IFT140: variants seen among roughly 807,000 people sequenced by gnomAD.
IFT140 encodes the protein intraflagellar transport 140.
In IFT140, 133 loss-of-function variants were observed where a neutral mutation model predicts 164.6. The ratio of observed to expected loss-of-function variants is 0.81; its 90% confidence interval spans 0.70 to 0.93. IFT140 has a LOEUF of 0.93. Among genes scored for constraint, IFT140 ranks in the 40% least tolerant of loss-of-function variants. The pLI is 0.00. For synonymous variants in IFT140, 860 were observed against 817.3 expected (o/e 1.05, Z -0.89); for missense variants, 2,045 against 1,972.3 (o/e 1.04, Z -0.70).
At chr16:1,547,117 A>G (rs1466882132) in intron 19 of IFT140, among the ~76,000 whole-genome samples, 1 of 152,154 alleles carries the variant, frequency 6.6e-6, no homozygotes, top group East Asian at 1.9e-4. Flanking sequence ...CTTCCTTGAA[A>G]CAGTCCCTCT....
chr16:1,543,728 G>A (rs1407132165), intron 19 of IFT140, among the ~76,000 whole-genome samples: 1 of 152,194 alleles, frequency 6.6e-6, no homozygotes, highest in Non-Finnish European at 1.5e-5. Context: ...GAAAACATGA[G>A]ACTCTCAACG....
At chr16:1,559,516 A>G (rs1366244624) in intron 18 of IFT140, among the ~76,000 whole-genome samples, 1 of 152,220 alleles carries the variant, frequency 6.6e-6, no homozygotes, top group African/African-American at 2.4e-5. Context: ...GGCAGCGTTA[A>G]CAGACAAAAG....
chr16:1,535,409 C>T (rs765938208), intron 19 of IFT140, among the ~76,000 whole-genome samples: 4 of 152,166 alleles, frequency 2.6e-5, no homozygotes, highest in Non-Finnish European at 4.4e-5. Flanking sequence ...TCCCAAAGGC[C>T]GACTCTCTGA....
rs570610799 is a variant in IFT140 at position 1,551,616 on chromosome 16, G to A, written c.2399+6319C>T. On this transcript the variant is annotated intron_variant, in intron 19 of 30. Transcript: ENST00000426508. The surrounding 1 kb of genome is among the most constrained non-coding windows in gnomAD (Gnocchi z 4.0). ...CCCAGCAAGGTCACCCGGCACTGCT[G>A]CAGACACCTTGAAACGTCCAGCACA... Among the ~76,000 whole-genome samples, 3 of 152,210 alleles carry A rather than the reference G, an allele frequency of 2.0e-5. No homozygotes were observed. The South Asian group carries it at 6.2e-4, about 31-fold the overall frequency.
chr16:1,552,723 A>G (rs948778462), intron 19 of IFT140, among the ~76,000 whole-genome samples: 3 of 142,576 alleles, frequency 2.1e-5, no homozygotes, highest in African/African-American at 8.0e-5. Context: ...ATCTCGGCTC[A>G]CTGCAACCTC....
At chr16:1,587,430 T>A in intron 8 of IFT140, 126 bp from the exon 9 acceptor site, 1 of 656,188 alleles carries the variant, frequency 1.5e-6, no homozygotes, top group Non-Finnish European at 2.7e-6. Context: ...AGACTCCTGA[T>A]ATGAAAACGA....
intron 7 of IFT140, among the ~76,000 whole-genome samples, chr16:1,589,342 T>A (rs2035056605): frequency 6.6e-6 from 1 of 152,176 alleles, no homozygotes; most frequent in Non-Finnish European, 1.5e-5. Flanking sequence ...GGGGTGCAGC[T>A]TGGGGGTGGG....
intron 10 of IFT140, among the ~76,000 whole-genome samples, chr16:1,585,603 C>T (rs914429289): frequency 1.1e-4 from 16 of 151,976 alleles, no homozygotes; most frequent in Non-Finnish European, 2.1e-4. Flanking sequence ...GGGATGGGTT[C>T]GTGGGTAGAT....
intron 15 of IFT140, among the ~76,000 whole-genome samples, chr16:1,566,971 C>T (rs1002589926): frequency 6.6e-6 from 1 of 152,196 alleles, no homozygotes; most frequent in African/African-American, 2.4e-5. Context: ...TTGAGCTCCG[C>T]CTGCAGCCCT....
intron 3 of IFT140, among the ~76,000 whole-genome samples, chr16:1,605,596 G>C (rs1468720009): frequency 6.6e-6 from 1 of 152,034 alleles, no homozygotes; most frequent in Non-Finnish European, 1.5e-5. Flanking sequence ...AGTGGAGACG[G>C]GGTTTCACCG....
At chr16:1,610,130 TGGACTCTCGG>T (rs2036262898) in intron 2 of IFT140, 1 of 154,468 alleles carries the variant, frequency 6.5e-6, no homozygotes, top group African/African-American at 2.4e-5. Context: ...GGCTCCACGG[TGGACTCTCGG>T]GGACAGGCAC....
intron 24 of IFT140, 165 bp downstream of exon 24, chr16:1,524,387 G>C: frequency 1.2e-6 from 1 of 849,902 alleles, no homozygotes. Context: ...GCGGCCAGGG[G>C]TGGGCAGAGG....
intron 19 of IFT140, among the ~76,000 whole-genome samples, chr16:1,537,183 A>T (rs2031158972): frequency 6.6e-6 from 1 of 152,144 alleles, no homozygotes; most frequent in African/African-American, 2.4e-5. Flanking sequence ...GGGGTGGGGC[A>T]AGCCAGGGAA....
chr16:1,513,766 C>T (rs529823561), intron 30 of IFT140, among the ~76,000 whole-genome samples: 16 of 150,804 alleles, frequency 1.1e-4, no homozygotes, highest in African/African-American at 3.2e-4. Context: ...CTCCGCCTCC[C>T]GGGTTCACAC....
intron 12 of IFT140, 71 bp downstream of exon 12, chr16:1,583,243 C>A (rs1019827161): frequency 5.4e-6 from 7 of 1,297,126 alleles, no homozygotes; most frequent in African/African-American, 1.5e-5. Flanking sequence ...ACCACAGTGG[C>A]CCTCTCATTA....
At chr16:1,599,631 C>A (rs1385012769) in intron 4 of IFT140, among the ~76,000 whole-genome samples, 130 of 62,376 alleles carry the variant, frequency 2.1e-3, no homozygotes, top group East Asian at 4.5e-3. Context: ...CGGCCAGCCG[C>A]CCCGTCCGGG....
intron 19 of IFT140, among the ~76,000 whole-genome samples, chr16:1,536,931 T>G (rs1233140378): frequency 6.6e-6 from 1 of 152,214 alleles, no homozygotes. Flanking sequence ...AGCTAGCCTA[T>G]GAACCTTTCT....
chr16:1,587,640 T>A (rs1443046548), intron 8 of IFT140, among the ~76,000 whole-genome samples: 1 of 152,134 alleles, frequency 6.6e-6, no homozygotes, highest in Non-Finnish European at 1.5e-5. Context: ...TGATTCTAGT[T>A]ATGCCACACT....
At chr16:1,554,179 C>T (rs973544773) in intron 19 of IFT140, 40 of 1,252,148 alleles carry the variant, frequency 3.2e-5, no homozygotes, top group Middle Eastern at 6.8e-4. Context: ...GCCCCATCTC[C>T]GCCCTGCCTG....
Sources: gnomAD v4.1 joint callset for allele counts (sites outside exome capture counted in the v4.1 genomes callset) on GRCh38, gnomAD v4.1.1 for gene constraint, Gnocchi (gnomAD v3.1) non-coding constraint, MANE v1.5 for transcripts, NCBI Gene and HGNC (gene_info 2026-07-23, HGNC 2026-07-21) for gene names.